The following NPAS3 variants were observed in gnomAD, a reference collection of about 807,000 sequenced individuals.
NPAS3 encodes neuronal PAS domain-containing protein 3.
Under a neutral mutation model 73.1 loss-of-function variants are expected in NPAS3, and 14 were observed. The ratio of observed to expected loss-of-function variants is 0.19; its 90% CI spans 0.13 to 0.30. The LOEUF is 0.30. Among genes scored for constraint, NPAS3 ranks in the 10% least tolerant of loss-of-function variants. The probability of loss-of-function intolerance (pLI) is 1.00; values close to 1 mark genes in which losing one functional copy is unlikely to be tolerated. For synonymous variants in NPAS3, 620 were observed against 541.5 expected (o/e 1.14, Z -2.01); for missense variants, 1,096 against 1,250.0 (o/e 0.88, Z 1.86).
At chr14:33,147,270 T>A (rs2044268392) in intron 2 of NPAS3, among the ~76,000 whole-genome samples, 1 of 152,096 alleles carries the variant, frequency 6.6e-6, no homozygotes. Context: ...TGATTGGAAG[T>A]TAAGGCTTTT....
chr14:33,483,911 G>C (rs752588466), intron 4 of NPAS3, among the ~76,000 whole-genome samples: 1 of 152,032 alleles, frequency 6.6e-6, no homozygotes, highest in African/African-American at 2.4e-5. Context: ...TTTTAGAAAG[G>C]CTTCCTGGTT....
chr14:33,760,845 A>G (rs1402804007), intron 7 of NPAS3, among the ~76,000 whole-genome samples: 1 of 152,264 alleles, frequency 6.6e-6, no homozygotes, highest in Non-Finnish European at 1.5e-5. Context: ...AAATAGCACA[A>G]TATGTAATAT....
intron 3 of NPAS3, among the ~76,000 whole-genome samples, chr14:33,285,008 T>C (rs2041816444): frequency 6.6e-6 from 1 of 152,308 alleles, no homozygotes; most frequent in African/African-American, 2.4e-5. Flanking sequence ...ATGGAAAATA[T>C]ATGACTTCCT....
chr14:33,391,995 T>C (rs1000685467), intron 4 of NPAS3, among the ~76,000 whole-genome samples: 1 of 152,206 alleles, frequency 6.6e-6, no homozygotes, highest in Admixed American at 6.5e-5. Context: ...AACAGAAACA[T>C]TTCTGGAGCT....
At chr14:33,440,962 G>A (rs2049221986) in intron 4 of NPAS3, among the ~76,000 whole-genome samples, 1 of 151,164 alleles carries the variant, frequency 6.6e-6, no homozygotes, top group African/African-American at 2.4e-5. Context: ...TTTTATATTT[G>A]TTAAGAATGT....
intron 1 of NPAS3, among the ~76,000 whole-genome samples, chr14:33,051,339 A>G (rs912607921): frequency 6.6e-6 from 1 of 151,724 alleles, no homozygotes; most frequent in Non-Finnish European, 1.5e-5. Flanking sequence ...ACTAAGTGGC[A>G]GACCTGAGAT....
intron 5 of NPAS3, among the ~76,000 whole-genome samples, chr14:33,564,778 A>G (rs999098824): frequency 3.9e-5 from 6 of 152,198 alleles, no homozygotes; most frequent in African/African-American, 1.4e-4. Context: ...TCTGATGCAC[A>G]CCTATCCCAG....
At chr14:33,192,446 A>G (rs2046204634) in intron 2 of NPAS3, among the ~76,000 whole-genome samples, 1 of 152,228 alleles carries the variant, frequency 6.6e-6, no homozygotes, top group Admixed American at 6.5e-5. Flanking sequence ...GAGTTCAAAC[A>G]GCTGGAATAG....
At chr14:33,710,290 C>G (rs1275758028) in intron 6 of NPAS3, among the ~76,000 whole-genome samples, 2 of 151,978 alleles carry the variant, frequency 1.3e-5, no homozygotes, top group Non-Finnish European at 2.9e-5. Context: ...TAGAATAGAG[C>G]CAAAGTTGAG....
At chr14:33,280,333 GATTATA>G (rs1400027120) in intron 3 of NPAS3, among the ~76,000 whole-genome samples, 1 of 152,250 alleles carries the variant, frequency 6.6e-6, no homozygotes, top group East Asian at 1.9e-4. Context: ...TAGCAAAATT[GATTATA>G]ATTATATATT....
At chr14:33,112,314 C>T (rs1193987385) in intron 2 of NPAS3, among the ~76,000 whole-genome samples, 3 of 152,190 alleles carry the variant, frequency 2.0e-5, no homozygotes, top group Non-Finnish European at 2.9e-5. Flanking sequence ...TATTTCTCCA[C>T]ATCCTCTCCA....
intron 3 of NPAS3, among the ~76,000 whole-genome samples, chr14:33,303,180 A>T (rs2042622534): frequency 6.6e-6 from 1 of 152,080 alleles, no homozygotes. Flanking sequence ...TAAAATTTAG[A>T]ACCTTCATTC....
intron 2 of NPAS3, among the ~76,000 whole-genome samples, chr14:33,205,434 G>C (rs1023738944): frequency 6.6e-6 from 1 of 152,052 alleles, no homozygotes; most frequent in African/African-American, 2.4e-5. Flanking sequence ...GCCTAAAGTC[G>C]ACAAATTTCT....
At position 33,666,305 on chromosome 14, in the gene NPAS3, C is replaced by CCTAT. The variant is rs762069546; in HGVS notation, c.559-9903_559-9900dup. ...AAACCCTCTTGTGTCCTGGATTGCTCCTATCTTTTCATCCAAGCCACCTGT... is the reference window on the plus strand; with the variant it reads ...AAACCCTCTTGTGTCCTGGATTGCTCCTATCTATCTTTTCATCCAAGCCACCTGT... On this transcript the variant is annotated intron_variant, in intron 5 of 11. Transcript: ENST00000356141. Among the ~76,000 whole-genome samples the CCTAT allele has an allele frequency of 2.3e-4, 35 of 152,280 alleles. No homozygotes were observed. In the South Asian group the frequency reaches 2.5e-3, roughly 11 times the overall value.
At chr14:33,065,413 A>C (rs1234453279) in intron 2 of NPAS3, among the ~76,000 whole-genome samples, 1 of 152,154 alleles carries the variant, frequency 6.6e-6, no homozygotes, top group Non-Finnish European at 1.5e-5. Flanking sequence ...GTTGCTTAAA[A>C]ATAATTTTAT....
At chr14:33,629,867 AG>A (rs1349435513) in intron 5 of NPAS3, among the ~76,000 whole-genome samples, 14 of 152,152 alleles carry the variant, frequency 9.2e-5, no homozygotes, top group Non-Finnish European at 4.4e-5. Flanking sequence ...GATGATAGAT[AG>A]CTCATGATTA....
At chr14:33,786,402 T>C (rs912633890) in intron 9 of NPAS3, among the ~76,000 whole-genome samples, 7 of 151,900 alleles carry the variant, frequency 4.6e-5, no homozygotes, top group African/African-American at 1.2e-4. Flanking sequence ...AAGATGTTTG[T>C]TTAGTGGAGT....
chr14:33,088,471 G>A (rs1290101154), intron 2 of NPAS3, among the ~76,000 whole-genome samples: 1 of 152,212 alleles, frequency 6.6e-6, no homozygotes, highest in Non-Finnish European at 1.5e-5. Context: ...GAACTGCAAG[G>A]CAGGAGTGAG....
intron 2 of NPAS3, among the ~76,000 whole-genome samples, chr14:33,163,987 T>C (rs2045022633): frequency 6.6e-6 from 1 of 152,204 alleles, no homozygotes; most frequent in South Asian, 2.1e-4. Context: ...CAGAGGAGCA[T>C]TGGGAAGCTG....
Sources: allele counts gnomAD v4.1 joint callset (sites outside exome capture counted in the v4.1 genomes callset), GRCh38; gene constraint gnomAD v4.1.1; transcripts MANE v1.5; gene names NCBI Gene and HGNC (gene_info 2026-07-23, HGNC 2026-07-21).